SNTG1: variants seen among roughly 807,000 people sequenced by gnomAD.
The protein encoded by SNTG1 is syntrophin gamma 1.
SNTG1 carries 39 observed loss-of-function variants against 74.7 expected under a neutral mutation model. The observed-to-expected ratio is 0.52, with a 90% CI of 0.40 to 0.68. SNTG1 has a LOEUF of 0.68. SNTG1 is among the 30% of genes least tolerant of loss of function. The pLI, the probability that SNTG1 is intolerant of heterozygous loss-of-function variation, is 0.00. For synonymous variants in SNTG1, 254 were observed against 217.1 expected (o/e 1.17, Z -1.49); for missense variants, 685 against 609.5 (o/e 1.12, Z -1.30).
chr8:50,162,327 T>C (rs1350220741), intron 1 of SNTG1, among the ~76,000 whole-genome samples: 1 of 148,890 alleles, frequency 6.7e-6, no homozygotes, highest in Non-Finnish European at 1.5e-5. Flanking sequence ...CTTTGGGAGG[T>C]CGAGGCGGGC....
chr8:50,509,505 G>C (rs369224652), intron 9 of SNTG1, among the ~76,000 whole-genome samples: 9 of 152,206 alleles, frequency 5.9e-5, no homozygotes, highest in South Asian at 4.1e-4. Context: ...ATTACCTTGG[G>C]CAGTATGGCC....
chr8:50,756,268 T>A (rs1028845868), intron 18 of SNTG1, among the ~76,000 whole-genome samples: 3 of 151,846 alleles, frequency 2.0e-5, no homozygotes, highest in Non-Finnish European at 4.4e-5. Flanking sequence ...GAGGTCCAGT[T>A]TATCAGTCGT....
chr8:50,114,266 A>T (rs904228386), intron 1 of SNTG1, among the ~76,000 whole-genome samples: 2 of 152,208 alleles, frequency 1.3e-5, no homozygotes, highest in Admixed American at 1.3e-4. Context: ...ACTTAAAACC[A>T]GTAGATTTTC....
At chr8:50,143,655 G>A (rs2081753374) in intron 1 of SNTG1, among the ~76,000 whole-genome samples, 2 of 152,296 alleles carry the variant, frequency 1.3e-5, no homozygotes, top group Non-Finnish European at 2.9e-5. Context: ...CAAGCAGTCT[G>A]TAAAAGCAAT....
chr8:50,115,833 C>G (rs2080800881), intron 1 of SNTG1, among the ~76,000 whole-genome samples: 1 of 151,938 alleles, frequency 6.6e-6, no homozygotes, highest in African/African-American at 2.4e-5. Context: ...TTATAAATGT[C>G]CAACTACTCC....
intron 2 of SNTG1, among the ~76,000 whole-genome samples, chr8:50,350,192 C>T (rs1278421327): frequency 6.6e-6 from 1 of 152,112 alleles, no homozygotes; most frequent in African/African-American, 2.4e-5. Flanking sequence ...ATGCCTGAGC[C>T]TCCCTGCCCC....
chr8:49,970,975 T>C (rs190787244), intron 1 of SNTG1, among the ~76,000 whole-genome samples: 12 of 152,236 alleles, frequency 7.9e-5, no homozygotes, highest in Non-Finnish European at 1.5e-4. Context: ...TCTGAAACTA[T>C]TCCAATCAAT....
At chr8:50,499,852 T>A (rs1452819419) in intron 8 of SNTG1, among the ~76,000 whole-genome samples, 1 of 152,090 alleles carries the variant, frequency 6.6e-6, no homozygotes, top group Non-Finnish European at 1.5e-5. Flanking sequence ...TATTCCTGGA[T>A]TAAACTCCAT....
chr8:50,708,839 A>G (rs1195315509), intron 16 of SNTG1, 47 bp from the exon 17 acceptor site: 1 of 1,216,858 alleles, frequency 8.2e-7, no homozygotes, highest in Non-Finnish European at 1.2e-6. Context: ...TAATATTGAT[A>G]TTGCATCAAT....
chr8:49,969,385 A>ATATTTTTTTTTTTTTTTTTTTTTTTTTT lies in SNTG1; in HGVS notation c.-103+57155_-103+57156insATTTTTTTTTTTTTTTTTTTTTTTTTTT, dbSNP rs1811434626. Among the ~76,000 whole-genome samples, 2 of 116,628 alleles carry ATATTTTTTTTTTTTTTTTTTTTTTTTTT rather than the reference A, an allele frequency of 1.7e-5. 1 individual carries two copies. The allele number at this position is 116,628 out of a possible 152,430, so 76.5% of individuals were successfully genotyped here. A position where few individuals can be genotyped will look rare whatever the true frequency, so the allele number is the denominator to read the frequency against. On this transcript the variant is annotated intron_variant, in intron 1 of 18. Coordinates refer to ENST00000642720, the MANE Select transcript of SNTG1 (RefSeq NM_018967.5). The stretch of plus-strand genomic sequence containing the variant: ...GCAAATACACATTTTAATTCATTTA[A>ATATTTTTTTTTTTTTTTTTTTTTTTTTT]TCTTTTTTTTTTTTTTTTTTTTTTT...
chr8:50,336,773 T>A (rs891024570), intron 2 of SNTG1, among the ~76,000 whole-genome samples: 5 of 152,194 alleles, frequency 3.3e-5, no homozygotes, highest in African/African-American at 1.2e-4. Flanking sequence ...ATCTTGACCT[T>A]GCTGTGTGCT....
intron 1 of SNTG1, among the ~76,000 whole-genome samples, chr8:50,122,499 A>T (rs2131362170): frequency 7.0e-6 from 1 of 142,024 alleles, no homozygotes; most frequent in Admixed American, 7.2e-5. Context: ...TTTGGACCTC[A>T]TCTTCAAGGC....
chr8:50,185,341 C>T (rs1385528758), intron 2 of SNTG1, among the ~76,000 whole-genome samples: 1 of 152,208 alleles, frequency 6.6e-6, no homozygotes, highest in African/African-American at 2.4e-5. Context: ...TTTCCTGAGG[C>T]TTCCGCAGCC....
chr8:50,409,715 C>CA (rs2092923519), intron 4 of SNTG1, among the ~76,000 whole-genome samples: 4 of 152,194 alleles, frequency 2.6e-5, no homozygotes, highest in Admixed American at 2.6e-4. Flanking sequence ...GTATACCCTT[C>CA]AATGGGCCCT....
chr8:50,685,903 A>G (rs1228303093), intron 15 of SNTG1, among the ~76,000 whole-genome samples: 1 of 152,134 alleles, frequency 6.6e-6, no homozygotes, highest in Non-Finnish European at 1.5e-5. Context: ...TCTCTGCCTT[A>G]TATATATTGT....
chr8:50,494,795 A>T (rs980382270), intron 8 of SNTG1, among the ~76,000 whole-genome samples: 10 of 152,192 alleles, frequency 6.6e-5, no homozygotes, highest in Admixed American at 6.5e-4. Flanking sequence ...TGAGTCTTTG[A>T]AAACAATGAA....
intron 1 of SNTG1, among the ~76,000 whole-genome samples, chr8:50,043,226 A>G (rs2130829197): frequency 6.6e-6 from 1 of 152,350 alleles, no homozygotes; most frequent in African/African-American, 2.4e-5. Flanking sequence ...AGTCTATATT[A>G]GCAAGTCTAA....
chr8:50,004,041 T>C (rs1262213622), intron 1 of SNTG1, among the ~76,000 whole-genome samples: 2 of 152,136 alleles, frequency 1.3e-5, no homozygotes, highest in African/African-American at 2.4e-5. Flanking sequence ...TATGGCAGTA[T>C]GAGTAGCATG....
rs567526604 is a variant in SNTG1, at chr8:50,721,401, G to A, written c.1284+12423G>A. Among the ~76,000 whole-genome samples, 342 of 152,260 alleles carry A rather than the reference G, an allele frequency of 2.2e-3. 3 individuals carry two copies. The highest frequency in any genetic ancestry group is 7.5e-3 in the African/African-American group (313 of 41,552). ...ATTTTACAATGGGCCTTACTCAAAT[G>A]AATAGCTTATGGGAAACTTTTCACA... On this transcript the variant is annotated intron_variant, in intron 17 of 18. Transcript: ENST00000642720.
Sources: gnomAD v4.1 joint callset for allele counts (sites outside exome capture counted in the v4.1 genomes callset) on GRCh38, gnomAD v4.1.1 for gene constraint, MANE v1.5 for transcripts, NCBI Gene and HGNC (gene_info 2026-07-23, HGNC 2026-07-21) for gene names.